EYS: variants seen among roughly 807,000 people sequenced by gnomAD.
EYS encodes the protein protein eyes shut homolog.
EYS carries 250 observed loss-of-function variants against 282.1 expected under a neutral mutation model. That is an observed-to-expected ratio of 0.89 (90% CI 0.80 to 0.98). The LOEUF (loss-of-function observed/expected upper bound fraction) is 0.98, where lower values mean the gene tolerates loss of function less well. Ranked by LOEUF, EYS falls within the 50% of genes least tolerant of loss-of-function variation. The pLI, the probability that EYS is intolerant of heterozygous loss-of-function variation, is 0.00. For missense variants in EYS, 4,016 were observed against 3,709.0 expected, an observed-to-expected ratio of 1.08 and a Z score of -2.15; for synonymous variants, 1,355 against 1,282.9, an observed-to-expected ratio of 1.06 and a Z score of -1.20.
intron 22 of EYS, among the ~76,000 whole-genome samples, chr6:64,750,610 T>C (rs1385818235): frequency 6.6e-6 from 1 of 152,204 alleles, no homozygotes; most frequent in African/African-American, 2.4e-5. Flanking sequence ...CAATTTTAAA[T>C]AAGGCATAGC....
intron 9 of EYS, among the ~76,000 whole-genome samples, chr6:65,350,560 G>C (rs1182726316): frequency 6.6e-6 from 1 of 151,594 alleles, no homozygotes; most frequent in South Asian, 2.1e-4. Flanking sequence ...CATGCTTCAA[G>C]AAGAAAGAGA....
At chr6:63,815,109 T>C (rs1771145783) in intron 36 of EYS, among the ~76,000 whole-genome samples, 1 of 152,206 alleles carries the variant, frequency 6.6e-6, no homozygotes, top group Admixed American at 6.5e-5. Context: ...TTTGTTACTA[T>C]ATCATTTTTC....
intron 28 of EYS, among the ~76,000 whole-genome samples, chr6:64,417,808 C>A (rs939275842): frequency 6.6e-6 from 1 of 151,482 alleles, no homozygotes; most frequent in Non-Finnish European, 1.5e-5. Flanking sequence ...GTAGCTGGCA[C>A]TACAGGTGCA....
At chr6:64,030,239 CAAAG>C (rs957336997) in intron 33 of EYS, among the ~76,000 whole-genome samples, 2 of 151,868 alleles carry the variant, frequency 1.3e-5, no homozygotes, top group Admixed American at 6.6e-5. Context: ...GAGGAAGAGA[CAAAG>C]AAGAAGTCGA....
chr6:65,294,917 G>A (rs564238247), intron 12 of EYS, among the ~76,000 whole-genome samples: 3 of 151,826 alleles, frequency 2.0e-5, no homozygotes, highest in East Asian at 3.9e-4. Context: ...CAGAATTTTT[G>A]CGCTCAAATT....
At chr6:64,228,706 G>C (rs952783653) in intron 31 of EYS, among the ~76,000 whole-genome samples, 1 of 152,128 alleles carries the variant, frequency 6.6e-6, no homozygotes, top group African/African-American at 2.4e-5. Flanking sequence ...AAATAGGATA[G>C]ATTTCCAATT....
chr6:65,220,269 T>C (rs777642617), intron 12 of EYS, among the ~76,000 whole-genome samples: 3 of 152,116 alleles, frequency 2.0e-5, no homozygotes, highest in Non-Finnish European at 4.4e-5. Flanking sequence ...AATTCACTCT[T>C]CATTAGGTAC....
chr6:64,327,512 A>G (rs1016151835), intron 29 of EYS, among the ~76,000 whole-genome samples: 1 of 152,108 alleles, frequency 6.6e-6, no homozygotes, highest in Non-Finnish European at 1.5e-5. Flanking sequence ...ATAGACAGGG[A>G]AATAATGGGC....
chr6:64,782,978 C>T (rs1310049858), intron 22 of EYS, among the ~76,000 whole-genome samples: 1 of 152,110 alleles, frequency 6.6e-6, no homozygotes, highest in Non-Finnish European at 1.5e-5. Context: ...CAGAAATAAA[C>T]AATTCATAAC....
chr6:64,217,873 C>A (rs561843243), intron 31 of EYS, among the ~76,000 whole-genome samples: 1 of 152,094 alleles, frequency 6.6e-6, no homozygotes, highest in African/African-American at 2.4e-5. Context: ...TATCCTACCC[C>A]CACCACAAAC....
At chr6:63,830,791 GA>G (rs1771610162) in intron 36 of EYS, among the ~76,000 whole-genome samples, 2 of 152,128 alleles carry the variant, frequency 1.3e-5, no homozygotes, top group Admixed American at 6.5e-5. Context: ...GAAATGAAGG[GA>G]AAAATGTTAA....
chr6:63,789,937 G>A (rs1321221118), intron 37 of EYS, among the ~76,000 whole-genome samples: 2 of 152,174 alleles, frequency 1.3e-5, no homozygotes, highest in Non-Finnish European at 2.9e-5. Flanking sequence ...GGATTAAGAA[G>A]TTCTGGGATG....
intron 2 of EYS, among the ~76,000 whole-genome samples, chr6:65,506,121 G>A (rs560614417): frequency 2.6e-5 from 4 of 152,216 alleles, no homozygotes; most frequent in Non-Finnish European, 2.9e-5. Flanking sequence ...CCTGAAGACC[G>A]CTTTATCTGA....
chr6:64,235,241 C>A (rs1766558885), intron 30 of EYS, among the ~76,000 whole-genome samples: 1 of 136,140 alleles, frequency 7.3e-6, no homozygotes, highest in South Asian at 2.8e-4. Context: ...CCTCCCCCCT[C>A]CCCCTACCCC....
At chr6:64,435,005 T>C (rs1462212907) in intron 28 of EYS, among the ~76,000 whole-genome samples, 3 of 151,954 alleles carry the variant, frequency 2.0e-5, no homozygotes, top group Non-Finnish European at 2.9e-5. Flanking sequence ...TCCCTACAGA[T>C]GATGGTCATC....
intron 31 of EYS, among the ~76,000 whole-genome samples, chr6:64,151,403 C>T (rs1157490148): frequency 7.2e-6 from 1 of 137,962 alleles, no homozygotes; most frequent in South Asian, 2.2e-4. Context: ...GCTCTGTCAC[C>T]AGGCTGGAGT....
chr6:63,873,698 A>G (rs932003623), intron 35 of EYS, among the ~76,000 whole-genome samples: 1 of 152,166 alleles, frequency 6.6e-6, no homozygotes, highest in Admixed American at 6.5e-5. Context: ...TTGCCATTCT[A>G]ACTGGTATGA....
chr6:65,317,299 G>A (rs1769320144), intron 11 of EYS, among the ~76,000 whole-genome samples: 1 of 151,870 alleles, frequency 6.6e-6, no homozygotes, highest in Admixed American at 6.6e-5. Context: ...TTTATTTTCT[G>A]GAGTCAATTT....
intron 11 of EYS, among the ~76,000 whole-genome samples, chr6:65,328,638 T>G (rs535962973): frequency 6.6e-6 from 1 of 151,050 alleles, no homozygotes; most frequent in Admixed American, 6.6e-5. Context: ...AATTTTAAAA[T>G]ATAAATGGGA....
Sources: allele counts gnomAD v4.1 joint callset (sites outside exome capture counted in the v4.1 genomes callset), GRCh38; gene constraint gnomAD v4.1.1; transcripts MANE v1.5; gene names NCBI Gene and HGNC (gene_info 2026-07-23, HGNC 2026-07-21).